The following TAF6 variants were observed in gnomAD, a reference collection of about 807,000 sequenced individuals.
TAF6 encodes the protein transcription initiation factor TFIID subunit 6.
TAF6 carries 50 observed loss-of-function variants against 73.5 expected under a neutral mutation model. The observed-to-expected ratio is 0.68, with a 90% CI of 0.54 to 0.86. The LOEUF is 0.86. Among genes scored for constraint, TAF6 ranks in the 40% least tolerant of loss-of-function variants. TAF6 has a pLI of 0.00. For synonymous variants in TAF6, 424 were observed against 376.7 expected (o/e 1.13, Z -1.45); for missense variants, 768 against 899.5 (o/e 0.85, Z 1.87).
Position 100,112,000 on chromosome 7 carries a change from CT to C in TAF6, c.721-2del. 6.2e-7 allele frequency: 1 copy of C among 1,613,828 alleles called. No homozygotes were observed. Among genetic ancestry groups the C allele is most frequent in the Non-Finnish European group, 8.5e-7 (1 of 1,179,910 alleles). On this transcript the variant is annotated splice_acceptor_variant, in intron 7 of 14. Coordinates refer to ENST00000453269, the MANE Select transcript of TAF6 (RefSeq NM_139315.3). LOFTEE classifies it high-confidence loss of function. ...CCGTGGCAATGCTTTGCAGGGCTTC[CT>C]GTGGGAGGAGGGAAGCCAGTCAGGT...
intron 1 of TAF6, chr7:100,118,758 C>G (rs892369471): frequency 3.3e-6 from 2 of 613,602 alleles, no homozygotes; most frequent in African/African-American, 2.0e-5. Context: ...AGGGTGGGGC[C>G]GTGCTGGAAG....
chr7:100,116,177 TCAAACC>T, intron 1 of TAF6, among the ~76,000 whole-genome samples: 1 of 152,288 alleles, frequency 6.6e-6, no homozygotes, highest in South Asian at 2.1e-4. Context: ...ATTTCTTTGC[TCAAACC>T]CTCATAATGG....
chr7:100,110,570 G>C (rs1273104878), intron 10 of TAF6, among the ~76,000 whole-genome samples: 2 of 152,212 alleles, frequency 1.3e-5, no homozygotes, highest in Admixed American at 1.3e-4. Flanking sequence ...CCAGCACTTT[G>C]GGAGGCCAAG....
At chr7:100,113,212 A>G (rs963988340) in intron 5 of TAF6, 137 bp downstream of exon 5, 2 of 884,666 alleles carry the variant, frequency 2.3e-6, no homozygotes, top group African/African-American at 3.4e-5. Flanking sequence ...GTTTGCAGTG[A>G]GCCAAGATTG....
rs1372054088 is a variant in TAF6 at position 100,112,819 on chromosome 7, C to A, written c.553G>T (p.Ala185Ser). ...DGPLKGKGQG[A>S]TTADGKGKEK... ...TGACCTTTGCCGTCGGCTGTGGTGG[C>A]CCCTTGACCTTTGCCCTTCAGGGGT... Residue 185 changes from alanine (A) to serine (S), a missense_variant, in exon 6 of 15, where the codon GCC (alanine) becomes TCC (serine). By Grantham distance (99) the Ala-to-Ser change is moderately conservative. This residue lies in a region of TAF6 where 269 missense variants were observed against 268.0 expected (regional missense o/e 1.00). Coordinates refer to ENST00000453269, the MANE Select transcript of TAF6 (RefSeq NM_139315.3). 1 of 1,613,496 alleles carries A rather than the reference C, an allele frequency of 6.2e-7. No homozygotes were observed. Among genetic ancestry groups the A allele is most frequent in the Non-Finnish European group, 8.5e-7 (1 of 1,179,636 alleles).
intron 14 of TAF6, 54 bp downstream of exon 14, chr7:100,107,872 G>T (rs1796710206): frequency 1.3e-6 from 2 of 1,553,988 alleles, no homozygotes; most frequent in Non-Finnish European, 1.7e-6. Context: ...TCCCCAGGGT[G>T]CTCTGAGGTA....
chr7:100,121,110 A>ATTTTTTTTTTT (rs1798036782), upstream of TAF6: 8 of 28,392 alleles, frequency 2.8e-4, no homozygotes, highest in East Asian at 7.1e-4. Context: ...ATATATATAT[A>ATTTTTTTTTTT]TATATATTTT....
At chr7:100,113,443 A>T in intron 4 of TAF6, 38 bp from the exon 5 acceptor site, 1 of 1,550,698 alleles carries the variant, frequency 6.4e-7, no homozygotes, top group Non-Finnish European at 8.7e-7. Flanking sequence ...ATTGCCACGC[A>T]TGGACATTGG....
At chr7:100,116,305 TG>T (rs1468207843) in intron 1 of TAF6, among the ~76,000 whole-genome samples, 3 of 152,072 alleles carry the variant, frequency 2.0e-5, no homozygotes, top group Non-Finnish European at 4.4e-5. Flanking sequence ...GAAGACTGCT[TG>T]GGCTTAGGAA....
chr7:100,119,819 G>A (rs1554392804), upstream of TAF6: 1 of 1,614,082 alleles, frequency 6.2e-7, no homozygotes. Context: ...GGATGTTGAA[G>A]GAGGAGGACG....
chr7:100,113,851 C>G lies in TAF6; in HGVS notation c.243+17G>C, dbSNP rs367998218. On this transcript the variant is annotated intron_variant, in intron 3 of 14. Transcript: ENST00000453269. The stretch of plus-strand genomic sequence containing the variant: ...GGATGGCGTCTCACCCCCCCCCCGC[C>G]TGTCTCCCCAAATCACCTCGACATT... The G allele has an allele frequency of 5.9e-5, 95 of 1,612,800 alleles. No individual in the cohort carries two copies. The highest frequency in any genetic ancestry group is 7.8e-5 in the Non-Finnish European group (92 of 1,179,546).
At chr7:100,119,421 A>C, upstream of TAF6, 1 of 1,199,120 alleles carries the variant, frequency 8.3e-7, no homozygotes, top group Non-Finnish European at 1.0e-6. Flanking sequence ...CCGTACCAGA[A>C]TAAGTCCTCT....
At position 100,108,551 on chromosome 7, in the gene TAF6, G is replaced by GA. The variant is rs934943423; in HGVS notation, c.1285-12dup. The GA allele has an allele frequency of 1.3e-6, 2 of 1,582,426 alleles. No individual in the cohort carries two copies. Among genetic ancestry groups the GA allele is most frequent in the East Asian group, 4.5e-5 (2 of 44,162 alleles). ...AGGAGCACAGTGTTTCTGCAGAACA[G>GA]AAAAAAAGCCAGGTAGAGGGAGGGC... On this transcript the variant is annotated splice_polypyrimidine_tract_variant and intron_variant, in intron 12 of 14. Transcript: ENST00000453269.
At position 100,110,253 on chromosome 7, in the gene TAF6, G is replaced by C; in HGVS notation, c.1105C>G (p.Pro369Ala). 6.2e-7 allele frequency: 1 copy of C among 1,614,112 alleles called. No homozygotes were observed. The highest frequency in any genetic ancestry group is 1.3e-5 in the African/African-American group (1 of 75,016). Residue 369 changes from proline (P) to alanine (A), a missense_variant, in exon 11 of 15, where the codon CCC becomes GCC. This residue lies in a region of TAF6 where 69 missense variants were observed against 105.4 expected (regional missense o/e 0.65). Transcript: ENST00000453269. ...FTKSWVDEKT[P>A]WTTRYGSIAG... ...ATGGAGCCATAACGAGTCGTCCAGGGCGTCTTCTCGTCCACCCAGCTCTGT... is the reference window on the plus strand; with the variant it reads ...ATGGAGCCATAACGAGTCGTCCAGGCCGTCTTCTCGTCCACCCAGCTCTGT...
chr7:100,125,188 C>G, the TAF6 span: 1 of 311,180 alleles, frequency 3.2e-6, no homozygotes, highest in South Asian at 7.2e-5. Flanking sequence ...CACCCCCACC[C>G]AAAAGTCAGC....
chr7:100,109,615 G>A (rs1423969872), intron 12 of TAF6, among the ~76,000 whole-genome samples: 1 of 146,376 alleles, frequency 6.8e-6, no homozygotes, highest in Admixed American at 7.0e-5. Flanking sequence ...TCCCACCTCG[G>A]CCTCCCTAGT....
At chr7:100,112,288 G>A in intron 6 of TAF6, 35 bp from the exon 7 acceptor site, 2 of 1,598,838 alleles carry the variant, frequency 1.3e-6, no homozygotes. Flanking sequence ...GACAAAGAAA[G>A]CTCCAGAAGA....
rs1302607237 is a variant in TAF6 at position 100,112,868 on chromosome 7, G to A, written c.504C>T (p.Ala168=). ...GTCCGTCTTCCTCCTGGCCTGGCTT[G>A]GCTGACTTCAGGGGTTCTGTGGCTT... The part of the protein sequence containing the change: ...KAEATEPLKS[A]KPGQEEDGPL... Residue 168 remains alanine (A), a synonymous_variant, in exon 6 of 15, where the codon GCC becomes GCT. Transcript: ENST00000453269. 11 of 1,613,962 alleles carry A rather than the reference G, an allele frequency of 6.8e-6. No homozygotes were observed. Among genetic ancestry groups the A allele is most frequent in the Non-Finnish European group, 8.5e-6 (10 of 1,179,866 alleles).
At position 100,112,659 on chromosome 7, in the gene TAF6, G is replaced by A. The variant is rs113701525; in HGVS notation, c.574+139C>T. The A allele has an allele frequency of 9.6e-6, 12 of 1,252,440 alleles. No individual in the cohort carries two copies. In the African/African-American group the frequency reaches 1.2e-4, roughly 13 times the overall value. 77.6% of individuals were successfully genotyped at this position (1,252,440 alleles called of 1,614,324 possible). ...GAACCCTGGAGGTGGAGGTTGCAGT[G>A]AGCTGAGATCGTACCACTACACTCC... On this transcript the variant is annotated intron_variant, in intron 6 of 14. Coordinates refer to ENST00000453269, the MANE Select transcript of TAF6 (RefSeq NM_139315.3).
Sources: gnomAD v4.1 joint callset for allele counts (sites outside exome capture counted in the v4.1 genomes callset) on GRCh38, gnomAD v4.1.1 for gene constraint, gnomAD v4.1.1 regional missense constraint, MANE v1.5 for transcripts, NCBI Gene and HGNC (gene_info 2026-07-23, HGNC 2026-07-21) for gene names.